The following ZNF385D variants were observed in gnomAD, a reference collection of about 807,000 sequenced individuals.
ZNF385D encodes zinc finger protein 385D, also known as zinc finger protein 659.
A neutral mutation model predicts 35.8 loss-of-function variants in ZNF385D; 15 were observed. That is an observed-to-expected ratio of 0.42 (90% CI 0.28 to 0.64). ZNF385D has a LOEUF of 0.64. ZNF385D is among the 30% of genes least tolerant of loss of function. The probability of loss-of-function intolerance (pLI) is 0.23; values close to 1 mark genes in which losing one functional copy is unlikely to be tolerated. For synonymous variants in ZNF385D, 212 were observed against 186.8 expected, an observed-to-expected ratio of 1.13 and a Z score of -1.10; for missense variants, 474 against 494.6, an observed-to-expected ratio of 0.96 and a Z score of 0.39.
chr3:22,160,223 G>A (rs1176151128), intron 3 of ZNF385D, among the ~76,000 whole-genome samples: 1 of 151,934 alleles, frequency 6.6e-6, no homozygotes, highest in Non-Finnish European at 1.5e-5. Context: ...GTATGAAAAT[G>A]GACTAATACA....
intron 3 of ZNF385D, among the ~76,000 whole-genome samples, chr3:21,976,105 C>A (rs73135324): frequency 3.3e-5 from 5 of 152,076 alleles, no homozygotes; most frequent in African/African-American, 1.2e-4. Flanking sequence ...GGATCCTGAA[C>A]CTTACTGAAG....
intron 2 of ZNF385D, among the ~76,000 whole-genome samples, chr3:22,176,266 G>T (rs1205661827): frequency 2.0e-5 from 3 of 152,044 alleles, no homozygotes; most frequent in Non-Finnish European, 4.4e-5. Context: ...AGATACTAAA[G>T]ATAAACCAGG....
At chr3:22,091,960 T>C (rs563551366) in intron 3 of ZNF385D, among the ~76,000 whole-genome samples, 1 of 152,298 alleles carries the variant, frequency 6.6e-6, no homozygotes, top group African/African-American at 2.4e-5. Flanking sequence ...ACAATGACTG[T>C]TGGGACTGTG....
In ZNF385D at chr3:21,424,058, T is replaced by TA; in HGVS notation, c.858dup (p.Ser287Ter). 1 of 1,581,428 alleles carries TA rather than the reference T, an allele frequency of 6.3e-7. No individual in the cohort carries two copies. Among genetic ancestry groups the TA allele is most frequent in the Non-Finnish European group, 8.6e-7 (1 of 1,169,514 alleles). Reference sequence around the variant, plus strand: ...GCTCTGTCTTTGTGCCTTCTACTGCTAATGTGCTATTAAAAGTAATTTAAA... The same window carrying TA: ...GCTCTGTCTTTGTGCCTTCTACTGCTAAATGTGCTATTAAAAGTAATTTAAA... On this transcript the variant is annotated frameshift_variant, in exon 7 of 8. Transcript: ENST00000281523. LOFTEE classifies it high-confidence loss of function.
chr3:21,743,357 A>C (rs76444062), intron 1 of ZNF385D, among the ~76,000 whole-genome samples: 1 of 152,334 alleles, frequency 6.6e-6, no homozygotes, highest in Non-Finnish European at 1.5e-5. Flanking sequence ...CACTAAATAT[A>C]GACACTAGAG....
rs138335497 is a variant in ZNF385D at position 22,068,839 on chromosome 3, A to T, written c.325+99978T>A. On this transcript the variant is annotated intron_variant, in intron 3 of 5. Coordinates refer to the ZNF385D transcript ENST00000494108. ...AAGAAAATGCTTCTAGCAACAAGTA[A>T]CATGGGGCCCGCCCAAATAACAGTA... 3.5e-3 allele frequency among the ~76,000 whole-genome samples: 527 copies of T among 152,356 alleles called. 2 individuals are homozygous for T. Among genetic ancestry groups the T allele is most frequent in the African/African-American group, 0.011 (460 of 41,596 alleles).
At chr3:21,502,331 A>G (rs1706437564) in intron 4 of ZNF385D, among the ~76,000 whole-genome samples, 1 of 152,096 alleles carries the variant, frequency 6.6e-6, no homozygotes, top group African/African-American at 2.4e-5. Flanking sequence ...ACTCTCTCCT[A>G]AGTTGCTTAC....
At chr3:22,071,177 TTCTC>T (rs1488882919) in intron 3 of ZNF385D, among the ~76,000 whole-genome samples, 1 of 152,168 alleles carries the variant, frequency 6.6e-6, no homozygotes, top group Non-Finnish European at 1.5e-5. Context: ...CAACTTAGCT[TTCTC>T]TTATTCTCTT....
intron 3 of ZNF385D, among the ~76,000 whole-genome samples, chr3:21,984,213 T>A (rs1456680548): frequency 6.8e-6 from 1 of 147,190 alleles, no homozygotes; most frequent in African/African-American, 2.7e-5. Context: ...CCATTGCTTT[T>A]GGTGTTTTGG....
chr3:22,038,455 A>G (rs997838549), intron 3 of ZNF385D, among the ~76,000 whole-genome samples: 1 of 152,150 alleles, frequency 6.6e-6, no homozygotes, highest in Admixed American at 6.6e-5. Flanking sequence ...AAGCAATTAA[A>G]TGATATATGC....
intron 2 of ZNF385D, among the ~76,000 whole-genome samples, chr3:22,273,973 A>G (rs1701303369): frequency 6.6e-6 from 1 of 152,072 alleles, no homozygotes; most frequent in Non-Finnish European, 1.5e-5. Flanking sequence ...TGCTGCCATT[A>G]GCAAAGTATA....
chr3:22,194,856 A>G (rs920382307), intron 2 of ZNF385D, among the ~76,000 whole-genome samples: 2 of 151,944 alleles, frequency 1.3e-5, no homozygotes, highest in Admixed American at 6.6e-5. Context: ...GAATTTCTCC[A>G]TAGTATGAAG....
chr3:22,123,225 A>T (rs555654059), intron 3 of ZNF385D, among the ~76,000 whole-genome samples: 1 of 152,170 alleles, frequency 6.6e-6, no homozygotes, highest in African/African-American at 2.4e-5. Context: ...AGCGGGGGAG[A>T]CTGAATTACC....
At chr3:21,439,902 A>C (rs1413942438) in intron 4 of ZNF385D, among the ~76,000 whole-genome samples, 1 of 152,122 alleles carries the variant, frequency 6.6e-6, no homozygotes, top group Non-Finnish European at 1.5e-5. Context: ...ACTTTCTGGA[A>C]TACTTTTGAC....
In ZNF385D at chr3:22,180,914, CTTT is replaced by C. The variant is rs61668943; in HGVS notation, c.107-11882_107-11880del. On this transcript the variant is annotated intron_variant, in intron 2 of 5. Coordinates refer to the ZNF385D transcript ENST00000494108. ...AATCCAGTAGCTATATGCTTTTGTT[CTTT>C]TTTTTTTTTTTTTAAGAGACAGCTT... is the stretch of plus-strand genomic sequence containing the variant. Among the ~76,000 whole-genome samples the C allele has an allele frequency of 1.9e-4, 21 of 112,966 alleles. 1 individual carries two copies. Among genetic ancestry groups the C allele is most frequent in the Middle Eastern group, 5.4e-3 (1 of 184 alleles). 74.1% of individuals were successfully genotyped at this position (112,966 alleles called of 152,430 possible).
At chr3:22,175,635 C>T (rs1233843679) in intron 2 of ZNF385D, among the ~76,000 whole-genome samples, 4 of 151,626 alleles carry the variant, frequency 2.6e-5, no homozygotes, top group Non-Finnish European at 5.9e-5. Flanking sequence ...AGAAATTTGG[C>T]CTTTTTTCGA....
chr3:22,224,315 G>A lies in ZNF385D; in HGVS notation c.107-55280C>T, dbSNP rs546769782. On this transcript the variant is annotated intron_variant, in intron 2 of 5. Transcript: ENST00000494108. ...TTTGGAGTAGTAGTGTAATCAACAT[G>A]CTACTTACCAGCTTAGTGTGCCTCA... 2.4e-3 allele frequency among the ~76,000 whole-genome samples: 367 copies of A among 152,232 alleles called. 2 individuals are homozygous for A. The highest frequency in any genetic ancestry group is 7.3e-3 in the African/African-American group (303 of 41,536).
At chr3:22,164,977 G>A (rs1318975585) in intron 3 of ZNF385D, among the ~76,000 whole-genome samples, 1 of 152,146 alleles carries the variant, frequency 6.6e-6, no homozygotes, top group Admixed American at 6.6e-5. Context: ...AAACCATGGG[G>A]ACCATAAAAA....
intron 2 of ZNF385D, among the ~76,000 whole-genome samples, chr3:22,363,673 A>C (rs946536143): frequency 6.6e-6 from 1 of 152,144 alleles, no homozygotes; most frequent in Admixed American, 6.5e-5. Flanking sequence ...ACTTATGGTT[A>C]AATTGGTGGA....
Sources: gnomAD v4.1 joint callset for allele counts (sites outside exome capture counted in the v4.1 genomes callset) on GRCh38, gnomAD v4.1.1 for gene constraint, MANE v1.5 for transcripts, NCBI Gene and HGNC (gene_info 2026-07-23, HGNC 2026-07-21) for gene names.